The following MDGA2 variants were observed in gnomAD, a reference collection of about 807,000 sequenced individuals.
MDGA2 encodes MAM domain-containing glycosylphosphatidylinositol anchor protein 2.
A neutral mutation model predicts 117.8 loss-of-function variants in MDGA2; 40 were observed. The observed-to-expected ratio is 0.34, with a 90% CI of 0.26 to 0.44. The LOEUF is 0.44. Among genes scored for constraint, MDGA2 ranks in the 20% least tolerant of loss-of-function variants. The pLI, the probability that MDGA2 is intolerant of heterozygous loss-of-function variation, is 1.00. For synonymous variants in MDGA2, 452 were observed against 439.0 expected (o/e 1.03, Z -0.37); for missense variants, 1,123 against 1,250.6 (o/e 0.90, Z 1.54).
intron 5 of MDGA2, among the ~76,000 whole-genome samples, chr14:47,120,124 A>G (rs1881572875): frequency 6.6e-6 from 1 of 152,194 alleles, no homozygotes; most frequent in Admixed American, 6.5e-5. Context: ...GGTTGAGTAC[A>G]ATGTCATAAT....
Position 47,228,654 on chromosome 14 carries a change from C to T in MDGA2, c.421-10459G>A, listed in dbSNP as rs116450605. Among the ~76,000 whole-genome samples the T allele has an allele frequency of 8.5e-3, 1,291 of 152,070 alleles. 18 individuals are homozygous for T. Among genetic ancestry groups the T allele is most frequent in the African/African-American group, 0.03 (1,242 of 41,484 alleles). On this transcript the variant is annotated intron_variant, in intron 2 of 16. Transcript: ENST00000399232. ...TACAATGGGTTTATTGGAATGTAAC[C>T]TCATTGTAAGTCAAGAAGCATATGT...
At chr14:47,593,974 C>G (rs1222908863) in intron 1 of MDGA2, among the ~76,000 whole-genome samples, 1 of 152,132 alleles carries the variant, frequency 6.6e-6, no homozygotes, top group Non-Finnish European at 1.5e-5. Context: ...AGATTTGTGT[C>G]AGTGACTTTC....
chr14:47,470,440 T>A (rs529444376), intron 1 of MDGA2, among the ~76,000 whole-genome samples: 5 of 152,286 alleles, frequency 3.3e-5, no homozygotes, highest in Admixed American at 1.3e-4. Flanking sequence ...GCAAAGGGCA[T>A]GAACTCATCC....
intron 2 of MDGA2, among the ~76,000 whole-genome samples, chr14:47,231,613 A>G (rs1322300577): frequency 6.6e-6 from 1 of 151,892 alleles, no homozygotes; most frequent in Non-Finnish European, 1.5e-5. Context: ...TTTCTACCAG[A>G]TTTTTTTTCC....
At chr14:47,209,877 G>A (rs1885819771) in intron 3 of MDGA2, among the ~76,000 whole-genome samples, 1 of 152,154 alleles carries the variant, frequency 6.6e-6, no homozygotes, top group Non-Finnish European at 1.5e-5. Context: ...CAAGGCTGAT[G>A]TTTTGGGAGG....
At chr14:47,194,372 C>T (rs1027569690) in intron 3 of MDGA2, among the ~76,000 whole-genome samples, 1 of 152,080 alleles carries the variant, frequency 6.6e-6, no homozygotes, top group African/African-American at 2.4e-5. Flanking sequence ...ATAGCATAGA[C>T]AAATTTAATC....
intron 6 of MDGA2, among the ~76,000 whole-genome samples, chr14:47,094,150 A>G (rs1879827817): frequency 6.6e-6 from 1 of 152,090 alleles, no homozygotes; most frequent in Admixed American, 6.6e-5. Flanking sequence ...CTTTAAAACC[A>G]AGGCTACTTC....
At position 46,864,397 on chromosome 14, in the gene MDGA2, GTCTTTACATTTTAGT is replaced by G. The variant is rs1467753492; in HGVS notation, c.2752+9021_2752+9035del. On this transcript the variant is annotated intron_variant, in intron 14 of 16. Transcript: ENST00000399232. ...CTTAATTATTTTGCCTTATTTTTAT[GTCTTTACATTTTAGT>G]TCTTTACATTTTAGTTCCTATAAGT... Among the ~76,000 whole-genome samples the G allele has an allele frequency of 5.3e-5, 8 of 150,608 alleles. No homozygotes were observed. The South Asian group carries it at 1.0e-3, about 20-fold the overall frequency.
At chr14:47,024,497 CA>C (rs1888403778) in intron 8 of MDGA2, among the ~76,000 whole-genome samples, 3 of 152,128 alleles carry the variant, frequency 2.0e-5, no homozygotes, top group Non-Finnish European at 4.4e-5. Context: ...TTCTTAAATA[CA>C]TTTCAGTTTC....
At chr14:47,437,612 G>C (rs1448399229) in intron 1 of MDGA2, among the ~76,000 whole-genome samples, 1 of 152,124 alleles carries the variant, frequency 6.6e-6, no homozygotes, top group South Asian at 2.1e-4. Flanking sequence ...GTACAGAGTA[G>C]AGTGGAGGCA....
chr14:47,522,845 T>G (rs144389772), intron 1 of MDGA2, among the ~76,000 whole-genome samples: 1 of 152,336 alleles, frequency 6.6e-6, no homozygotes, highest in Non-Finnish European at 1.5e-5. Context: ...TCGGGTAATC[T>G]CCACAATTTT....
Position 47,354,131 on chromosome 14 carries a change from A to T in MDGA2, c.281-52581T>A, listed in dbSNP as rs142377978. On this transcript the variant is annotated intron_variant, in intron 1 of 16. Coordinates refer to ENST00000399232, the MANE Select transcript of MDGA2 (RefSeq NM_001113498.3). ...CTATCATGAGAAAAATTCTCAACAA[A>T]TTAGGTATAGAAGGAAAATTTCCTC... Among the ~76,000 whole-genome samples the T allele has an allele frequency of 1.7e-4, 26 of 152,324 alleles. No homozygotes were observed. The East Asian group carries it at 5.0e-3, about 29-fold the overall frequency.
chr14:47,331,694 A>G (rs1480560539), intron 1 of MDGA2, among the ~76,000 whole-genome samples: 1 of 151,944 alleles, frequency 6.6e-6, no homozygotes, highest in East Asian at 1.9e-4. Flanking sequence ...ATCAGGACTA[A>G]GGGAAAGAGA....
At chr14:47,006,893 T>C (rs1287857764) in intron 8 of MDGA2, among the ~76,000 whole-genome samples, 2 of 151,728 alleles carry the variant, frequency 1.3e-5, no homozygotes, top group Admixed American at 6.6e-5. Context: ...TCTCGGAGAA[T>C]AGTATTAACA....
intron 7 of MDGA2, among the ~76,000 whole-genome samples, chr14:47,042,374 C>T (rs1034375163): frequency 4.2e-5 from 6 of 142,712 alleles, no homozygotes; most frequent in Non-Finnish European, 9.0e-5. Flanking sequence ...TGCGTGTCTT[C>T]AAAACAAGAG....
chr14:47,118,626 A>G (rs960768939), intron 5 of MDGA2, among the ~76,000 whole-genome samples: 5 of 152,176 alleles, frequency 3.3e-5, no homozygotes, highest in African/African-American at 1.2e-4. Flanking sequence ...TCAATATAGA[A>G]TTATTTTGTT....
At chr14:46,864,620 A>AG (rs1461507549) in intron 14 of MDGA2, among the ~76,000 whole-genome samples, 1 of 146,180 alleles carries the variant, frequency 6.8e-6, no homozygotes, top group African/African-American at 2.6e-5. Flanking sequence ...AAAAAAAAAA[A>AG]AAGCAGTTTA....
chr14:47,225,431 A>G (rs551147559), intron 2 of MDGA2, among the ~76,000 whole-genome samples: 3 of 152,156 alleles, frequency 2.0e-5, no homozygotes, highest in Middle Eastern at 3.4e-3. Context: ...ACAATGATAG[A>G]CTGGATTAAG....
At position 47,114,955 on chromosome 14, in the gene MDGA2, C is replaced by CA. The variant is rs35950492; in HGVS notation, c.925+16758dup. Among the ~76,000 whole-genome samples, 918 of 127,268 alleles carry CA rather than the reference C, an allele frequency of 7.2e-3. 10 individuals carry two copies. Among genetic ancestry groups the CA allele is most frequent in the East Asian group, 0.017 (64 of 3,716 alleles). 83.5% of individuals were successfully genotyped at this position (127,268 alleles called of 152,430 possible). ...GTAATCCAAAGAGCTTCTGCACAGCCAAAAAAAAAAAAAAAATGCCTATCA... is the reference window on the plus strand; with the variant it reads ...GTAATCCAAAGAGCTTCTGCACAGCCAAAAAAAAAAAAAAAAATGCCTATCA... On this transcript the variant is annotated intron_variant, in intron 5 of 16. Transcript: ENST00000399232.
Sources: allele counts gnomAD v4.1 joint callset (sites outside exome capture counted in the v4.1 genomes callset), GRCh38; gene constraint gnomAD v4.1.1; transcripts MANE v1.5; gene names NCBI Gene and HGNC (gene_info 2026-07-23, HGNC 2026-07-21).